The following ADAT1 variants were observed in gnomAD, a reference collection of about 807,000 sequenced individuals.
ADAT1 encodes tRNA-specific adenosine deaminase 1.
ADAT1 carries 58 observed loss-of-function variants against 58.6 expected under a neutral mutation model. That is an observed-to-expected ratio of 0.99 (90% CI 0.80 to 1.23). The LOEUF (loss-of-function observed/expected upper bound fraction) is 1.23. ADAT1 is among the 50% of genes most tolerant of loss of function. The pLI, the probability that ADAT1 is intolerant of heterozygous loss-of-function variation, is 0.00. For missense variants in ADAT1, 741 were observed against 608.6 expected, an observed-to-expected ratio of 1.22 and a Z score of -2.29; for synonymous variants, 254 against 220.8, an observed-to-expected ratio of 1.15 and a Z score of -1.33.
intron 7 of ADAT1, 97 bp downstream of exon 7, chr16:75,608,746 G>A (rs921628339): frequency 6.8e-7 from 1 of 1,464,814 alleles, no homozygotes; most frequent in Non-Finnish European, 9.2e-7. Context: ...CTAGAGTGGT[G>A]AACTACCTTC....
intron 9 of ADAT1, 152 bp from the exon 10 acceptor site, chr16:75,600,500 A>G: frequency 2.3e-6 from 3 of 1,319,700 alleles, no homozygotes; most frequent in Non-Finnish European, 3.0e-6. Flanking sequence ...GATCATACAA[A>G]CTACGTTATT....
intron 5 of ADAT1, among the ~76,000 whole-genome samples, chr16:75,616,277 G>A (rs1017795146): frequency 6.6e-6 from 1 of 152,088 alleles, no homozygotes; most frequent in African/African-American, 2.4e-5. Flanking sequence ...CAAAGTCCTG[G>A]CATTACAGGT....
rs767510071 is a variant in ADAT1, at chr16:75,608,959, C to G, written c.1073G>C (p.Gly358Ala). The change falls in exon 7 of 10, where the codon GGC becomes GCC. Residue 358 changes from glycine to alanine, a missense_variant. By Grantham distance (60) the Gly-to-Ala change is moderately conservative. Transcript: ENST00000564657. ...RCQNVSALPKGFGVQELKILQ... is the reference protein window; with the variant it reads ...RCQNVSALPKAFGVQELKILQ... ...TATTTTTAATTCTTGAACTCCGAAG[C>G]CTTTTGGTAAAGCAGACACATTCTG... 1.9e-6 allele frequency: 3 copies of G among 1,614,170 alleles called. No homozygotes were observed. The highest frequency in any genetic ancestry group is 1.7e-5 in the Admixed American group (1 of 60,004).
At chr16:75,602,349 T>C (rs912780831) in intron 9 of ADAT1, among the ~76,000 whole-genome samples, 4 of 152,230 alleles carry the variant, frequency 2.6e-5, no homozygotes, top group Non-Finnish European at 4.4e-5. Context: ...TTTGCGACCC[T>C]CCCATATCTT....
chr16:75,621,346 G>T (rs143599234), intron 1 of ADAT1, among the ~76,000 whole-genome samples: 2 of 151,680 alleles, frequency 1.3e-5, no homozygotes, highest in Non-Finnish European at 2.9e-5. Flanking sequence ...CAGCAGTTAC[G>T]TGTTCTCATA....
In ADAT1 at chr16:75,600,179, G is replaced by T. The variant is rs758877887; in HGVS notation, c.*37C>A. On this transcript the variant is annotated 3_prime_UTR_variant, in exon 10 of 10. Transcript: ENST00000564657. ...TCCTGCGTGGAGGAAGGCAGTTCAGGATGAAGGGTCCTGCTACCAGAGCAA... is the reference window on the plus strand; with the variant it reads ...TCCTGCGTGGAGGAAGGCAGTTCAGTATGAAGGGTCCTGCTACCAGAGCAA... 6.2e-7 allele frequency: 1 copy of T among 1,612,018 alleles called. No individual in the cohort carries two copies. The highest frequency in any genetic ancestry group is 1.1e-5 in the South Asian group (1 of 90,968).
intron 6 of ADAT1, 53 bp from the exon 7 acceptor site, chr16:75,609,041 T>A: frequency 1.2e-6 from 2 of 1,602,886 alleles, no homozygotes; most frequent in East Asian, 2.2e-5. Flanking sequence ...GAGAAAACAG[T>A]ATCTAGGATT....
chr16:75,611,276 C>T (rs1005458048), intron 6 of ADAT1, among the ~76,000 whole-genome samples: 8 of 152,138 alleles, frequency 5.3e-5, no homozygotes, highest in African/African-American at 1.9e-4. Context: ...TACCTTAGCG[C>T]TCATCCTCTT....
chr16:75,620,207 G>C, intron 3 of ADAT1, 59 bp downstream of exon 3: 1 of 1,557,560 alleles, frequency 6.4e-7, no homozygotes, highest in Non-Finnish European at 8.9e-7. Flanking sequence ...GACAAGGAGA[G>C]TAAAACATGG....
chr16:75,597,684 C>T lies in ADAT1; in HGVS notation c.*2532G>A, dbSNP rs1443054175. ...GAGCCCTGAGCTTGTTTTCCTGCAACTAGACAGTCCCATATGGGGGTTATG... is the reference window on the plus strand; with the variant it reads ...GAGCCCTGAGCTTGTTTTCCTGCAATTAGACAGTCCCATATGGGGGTTATG... On this transcript the variant is annotated 3_prime_UTR_variant, in exon 10 of 10. Coordinates refer to ENST00000564657, the MANE Select transcript of ADAT1 (RefSeq NM_001324445.2). Among the ~76,000 whole-genome samples the T allele has an allele frequency of 6.6e-6, 1 of 152,162 alleles. No homozygotes were observed. The highest frequency in any genetic ancestry group is 1.5e-5 in the Non-Finnish European group (1 of 68,040).
chr16:75,617,580 GC>G (rs1302977886), intron 4 of ADAT1, among the ~76,000 whole-genome samples: 2 of 151,732 alleles, frequency 1.3e-5, no homozygotes, highest in African/African-American at 4.8e-5. Context: ...GCTGTAGTGA[GC>G]TATGATTCTG....
Position 75,610,509 on chromosome 16 carries a change from T to A in ADAT1, c.1044-1521A>T, listed in dbSNP as rs533227834. ...ACAGGGTTTCCTCATGTTGACCAGG[T>A]TGGTCTTGAACTCCTGGACTCAAGC... On this transcript the variant is annotated intron_variant, in intron 6 of 9. Coordinates refer to ENST00000564657, the MANE Select transcript of ADAT1 (RefSeq NM_001324445.2). 2.0e-5 allele frequency among the ~76,000 whole-genome samples: 3 copies of A among 152,188 alleles called. No homozygotes were observed. The South Asian group carries it at 6.2e-4, about 32-fold the overall frequency.
intron 6 of ADAT1, among the ~76,000 whole-genome samples, chr16:75,609,914 G>A (rs569682675): frequency 6.6e-5 from 10 of 151,884 alleles, no homozygotes; most frequent in Non-Finnish European, 1.3e-4. Flanking sequence ...ATATTGCCTA[G>A]GCTGGTCTTG....
In ADAT1 at chr16:75,617,194, C is replaced by A. The variant is rs1341446503; in HGVS notation, c.372G>T (p.Val124=). The A allele has an allele frequency of 1.2e-6, 2 of 1,613,966 alleles. No homozygotes were observed. Among genetic ancestry groups the A allele is most frequent in the Non-Finnish European group, 1.7e-6 (2 of 1,179,836 alleles). The change falls in exon 5 of 10, where the codon GTG becomes GTT. Residue 124 remains valine, a synonymous_variant. Coordinates refer to ENST00000564657, the MANE Select transcript of ADAT1 (RefSeq NM_001324445.2). ...SIFVPGTQKG[V]WKLRRDLIFV... is the part of the protein sequence containing the mutation. ...AAATGAGGTCTCGTCTAAGTTTCCACACTCCTTTTTGAGTTCCTGGGACAA... is the reference window on the plus strand; with the variant it reads ...AAATGAGGTCTCGTCTAAGTTTCCAAACTCCTTTTTGAGTTCCTGGGACAA...
intron 8 of ADAT1, among the ~76,000 whole-genome samples, chr16:75,605,901 T>C (rs185617972): frequency 8.7e-4 from 118 of 136,202 alleles, no homozygotes; most frequent in Middle Eastern, 5.1e-3. Context: ...CGTGCTACTG[T>C]ACTCCAGCCT....
At chr16:75,600,392 G>A in intron 9 of ADAT1, 44 bp from the exon 10 acceptor site, 2 of 1,606,594 alleles carry the variant, frequency 1.2e-6, no homozygotes, top group Non-Finnish European at 1.7e-6. Flanking sequence ...TCATTGAATA[G>A]CCCACCCCAG....
chr16:75,614,418 C>G (rs1301167802), intron 5 of ADAT1, among the ~76,000 whole-genome samples: 1 of 152,192 alleles, frequency 6.6e-6, no homozygotes, highest in Non-Finnish European at 1.5e-5. Context: ...CCACAGCTCT[C>G]CCTTGAGAAG....
rs143885648 is a variant in ADAT1, at chr16:75,599,327, C to G, written c.*889G>C. The G allele has an allele frequency of 0.034, 32,630 of 973,898 alleles. 592 individuals carry two copies. The highest frequency in any genetic ancestry group is 0.037 in the Non-Finnish European group (30,218 of 819,324). 60.3% of individuals were successfully genotyped at this position (973,898 alleles called of 1,614,324 possible). A position where few individuals can be genotyped will look rare whatever the true frequency, so the allele number is the denominator to read the frequency against. ...GAACTCCTGACCTCAAGTGATCTGC[C>G]TGCCTGGGCTTCCCAAAGTGCTGGG... On this transcript the variant is annotated 3_prime_UTR_variant, in exon 10 of 10. Transcript: ENST00000564657.
chr16:75,608,086 A>T (rs533726412), intron 8 of ADAT1, 138 bp downstream of exon 8: 3 of 675,714 alleles, frequency 4.4e-6, no homozygotes, highest in Admixed American at 2.3e-5. Flanking sequence ...TTTCCAAGGG[A>T]TGAGGAGAGG....
Sources: allele counts gnomAD v4.1 joint callset (sites outside exome capture counted in the v4.1 genomes callset), GRCh38; gene constraint gnomAD v4.1.1; transcripts MANE v1.5; gene names NCBI Gene and HGNC (gene_info 2026-07-23, HGNC 2026-07-21).